NAPA: variants seen among roughly 807,000 people sequenced by gnomAD.
NAPA encodes alpha-soluble NSF attachment protein.
Under a neutral mutation model 48.0 loss-of-function variants are expected in NAPA, and 18 were observed. That is an observed-to-expected ratio of 0.38 (90% CI 0.26 to 0.56). The LOEUF is 0.56. NAPA is among the 20% of genes least tolerant of loss of function. The pLI is 0.77. For synonymous variants in NAPA, 152 were observed against 149.9 expected (o/e 1.01, Z -0.10); for missense variants, 315 against 385.0 (o/e 0.82, Z 1.52).
chr19:47,506,187 AG>A lies in NAPA; in HGVS notation c.99-2686del, dbSNP rs1341302252. On this transcript the variant is annotated intron_variant, in intron 1 of 10. Coordinates refer to ENST00000263354, the MANE Select transcript of NAPA (RefSeq NM_003827.4). This position sits in a 1 kb window ranked among gnomAD's most constrained non-coding sequence, Gnocchi z 4.0. ...TAATTTTTGTATTATTAGTAGAGAC[AG>A]GGTTTCACCACGTTGGCCAGGCTGG... 6.6e-6 allele frequency among the ~76,000 whole-genome samples: 1 copy of A among 151,852 alleles called. No homozygotes were observed. Among genetic ancestry groups the A allele is most frequent in the African/African-American group, 2.4e-5 (1 of 41,322 alleles).
chr19:47,514,685 C>T (rs1235212988), intron 1 of NAPA, among the ~76,000 whole-genome samples, 158 bp downstream of exon 1: 1 of 152,190 alleles, frequency 6.6e-6, no homozygotes, highest in Admixed American at 6.5e-5. Context: ...TGGCCCTCAG[C>T]CTGCGTCCCC....
In NAPA at chr19:47,488,318, G is replaced by A. The variant is rs1968132396; in HGVS notation, c.858C>T (p.Thr286=). 3 of 1,613,646 alleles carry A rather than the reference G, an allele frequency of 1.9e-6. No individual in the cohort carries two copies. The highest frequency in any genetic ancestry group is 1.7e-4 in the Middle Eastern group (1 of 6,046). ...LTTMLLRIKK[T]IQGDEEDLR ...GCAGGTCCTCCTCATCGCCCTGGAT[G>A]GTCTTCTTGATGCGCAGCAGCATGG... is the stretch of plus-strand genomic sequence containing the variant. The change falls in exon 11 of 11, where the codon ACC becomes ACT. Residue 286 remains threonine, a synonymous_variant. Coordinates refer to ENST00000263354, the MANE Select transcript of NAPA (RefSeq NM_003827.4).
chr19:47,504,490 C>T (rs1343902909), intron 1 of NAPA, among the ~76,000 whole-genome samples: 1 of 148,378 alleles, frequency 6.7e-6, no homozygotes, highest in Non-Finnish European at 1.5e-5. Flanking sequence ...GGCAAATACA[C>T]AAAAACCTAG....
At chr19:47,510,217 G>A (rs34053553) in intron 1 of NAPA, among the ~76,000 whole-genome samples, 27,555 of 152,156 alleles carry the variant, frequency 0.18, 2,789 homozygotes, top group African/African-American at 0.27. Flanking sequence ...CTGGAAGCTC[G>A]TGCCCACACC....
intron 1 of NAPA, among the ~76,000 whole-genome samples, chr19:47,513,185 C>T (rs1485064767): frequency 2.0e-5 from 3 of 152,210 alleles, no homozygotes; most frequent in African/African-American, 7.2e-5. Context: ...CCTCATGCTC[C>T]TCTCAACCCT....
At chr19:47,513,995 C>T (rs571007414) in intron 1 of NAPA, among the ~76,000 whole-genome samples, 182 of 151,490 alleles carry the variant, frequency 1.2e-3, no homozygotes, top group African/African-American at 4.2e-3. Context: ...ATTACAGGTA[C>T]CCGCCACCAG....
In NAPA at chr19:47,490,785, T is replaced by TA; in HGVS notation, c.735+2dup. 1 of 1,613,362 alleles carries TA rather than the reference T, an allele frequency of 6.2e-7. No individual in the cohort carries two copies. ...GGGGGAGGCCGGAGCACCCAGCACT[T>TA]ACTTTCATCAACTTGCATTCCCGGG... On this transcript the variant is annotated splice_region_variant and intron_variant, in intron 9 of 10. Transcript: ENST00000263354.
At chr19:47,490,992 C>T in intron 8 of NAPA, 136 bp from the exon 9 acceptor site, 1 of 681,664 alleles carries the variant, frequency 1.5e-6, no homozygotes, top group Non-Finnish European at 2.5e-6. Flanking sequence ...CCTCAGGTGT[C>T]ACCTGGCTCT....
intron 1 of NAPA, among the ~76,000 whole-genome samples, chr19:47,503,908 G>A (rs1045036833): frequency 1.3e-5 from 2 of 152,202 alleles, no homozygotes; most frequent in African/African-American, 2.4e-5. Flanking sequence ...TTAAGACATC[G>A]TGTTGCTTTC....
chr19:47,509,334 TAAAATAAAATAAAATAAATA>T (rs1190681621), intron 1 of NAPA, among the ~76,000 whole-genome samples: 143 of 80,274 alleles, frequency 1.8e-3, no homozygotes, highest in Admixed American at 4.2e-3. Context: ...TAAAATAAAA[TAAAATAAAATAAAATAAATA>T]AAATAAAATA....
At chr19:47,512,855 T>C (rs931429636) in intron 1 of NAPA, 1 of 152,254 alleles carries the variant, frequency 6.6e-6, no homozygotes, top group Non-Finnish European at 1.5e-5. Context: ...CTTCCTCTCT[T>C]GTAAAGATCC....
At chr19:47,497,799 C>G (rs563368748) in intron 3 of NAPA, among the ~76,000 whole-genome samples, 1 of 152,346 alleles carries the variant, frequency 6.6e-6, no homozygotes, top group East Asian at 1.9e-4. Flanking sequence ...ACAAAGAAAT[C>G]AAATGGGTTA....
chr19:47,512,202 GA>G (rs1420749393), intron 1 of NAPA, among the ~76,000 whole-genome samples: 1 of 152,046 alleles, frequency 6.6e-6, no homozygotes, highest in African/African-American at 2.4e-5. Context: ...GATCCCTCTG[GA>G]TCTCAGTTCC....
chr19:47,490,206 TG>T (rs1208628012), intron 9 of NAPA, among the ~76,000 whole-genome samples: 2 of 135,552 alleles, frequency 1.5e-5, no homozygotes, highest in South Asian at 2.4e-4. Flanking sequence ...TGTGTGTGTG[TG>T]GGGTGTGTCA....
intron 1 of NAPA, among the ~76,000 whole-genome samples, chr19:47,513,287 G>A (rs981604138): frequency 6.6e-6 from 1 of 152,064 alleles, no homozygotes; most frequent in Non-Finnish European, 1.5e-5. Context: ...ACCCCTCCCA[G>A]ACCTCTCCGC....
At position 47,488,018 on chromosome 19, in the gene NAPA, C is replaced by T. The variant is rs904092604; in HGVS notation, c.*270G>A. On this transcript the variant is annotated 3_prime_UTR_variant, in exon 11 of 11. Coordinates refer to ENST00000263354, the MANE Select transcript of NAPA (RefSeq NM_003827.4). ...AGCAAATAGGTCTGTATCAAAGATT[C>T]TGTACAGCTGGTTTTGGGGGTGAAG... The T allele has an allele frequency of 8.3e-6, 3 of 359,916 alleles. No individual in the cohort carries two copies. Among genetic ancestry groups the T allele is most frequent in the Non-Finnish European group, 1.6e-5 (3 of 191,304 alleles). The allele number at this position is 359,916 out of a possible 1,614,324, so 22.3% of individuals were successfully genotyped here.
chr19:47,495,222 G>A lies in NAPA; in HGVS notation c.342+328C>T, dbSNP rs549331340. The A allele has an allele frequency of 2.9e-5, 11 of 381,294 alleles. No individual in the cohort carries two copies. The South Asian group carries it at 4.4e-4, about 15-fold the overall frequency. The allele number at this position is 381,294 out of a possible 1,614,324, so 23.6% of individuals were successfully genotyped here. A position where few individuals can be genotyped will look rare whatever the true frequency, so the allele number is the denominator to read the frequency against. On this transcript the variant is annotated intron_variant, in intron 4 of 10. Coordinates refer to ENST00000263354, the MANE Select transcript of NAPA (RefSeq NM_003827.4). ...TTGCCCAGGCTGGTCTCGAACTCCT[G>A]TGCCCAAAAGATCCTCCCACCTCAG... is the stretch of plus-strand genomic sequence containing the variant.
At chr19:47,510,213 G>C (rs1968779745) in intron 1 of NAPA, among the ~76,000 whole-genome samples, 1 of 152,196 alleles carries the variant, frequency 6.6e-6, no homozygotes, top group African/African-American at 2.4e-5. Flanking sequence ...AAATCTGGAA[G>C]CTCGTGCCCA....
chr19:47,495,766 G>A (rs1968407168), intron 3 of NAPA, 170 bp from the exon 4 acceptor site: 2 of 641,982 alleles, frequency 3.1e-6, no homozygotes, highest in African/African-American at 3.6e-5. Context: ...GAAGGGGACG[G>A]AATCCCTGAG....
Sources: allele counts gnomAD v4.1 joint callset (sites outside exome capture counted in the v4.1 genomes callset), GRCh38; gene constraint gnomAD v4.1.1; non-coding constraint Gnocchi (gnomAD v3.1); transcripts MANE v1.5; gene names NCBI Gene and HGNC (gene_info 2026-07-23, HGNC 2026-07-21).